USP34: variants seen among roughly 807,000 people sequenced by gnomAD.
USP34 encodes ubiquitin carboxyl-terminal hydrolase 34.
USP34 carries 70 observed loss-of-function variants against 460.3 expected under a neutral mutation model. That is an observed-to-expected ratio of 0.15 (90% CI 0.13 to 0.19). USP34 has a LOEUF of 0.19. Ranked by LOEUF, USP34 falls within the 10% of genes least tolerant of loss-of-function variation. USP34 has a pLI of 1.00. For synonymous variants in USP34, 1,647 were observed against 1,405.3 expected, an observed-to-expected ratio of 1.17 and a Z score of -3.85; for missense variants, 3,985 against 4,236.2, an observed-to-expected ratio of 0.94 and a Z score of 1.65.
chr2:61,204,317 A>G lies in USP34; in HGVS notation c.9323T>C (p.Ile3108Thr). 6.2e-7 allele frequency: 1 copy of G among 1,614,226 alleles called. No individual in the cohort carries two copies. Among genetic ancestry groups the G allele is most frequent in the East Asian group, 2.2e-5 (1 of 44,886 alleles). Residue 3108 changes from isoleucine (I) to threonine (T), a missense_variant, in exon 74 of 80, where the codon ATT (isoleucine) becomes ACT (threonine). By Grantham distance (89) the Ile-to-Thr change is moderately conservative. Transcript: ENST00000398571. ...ATTGAGTTCAGGGCGCGGAGGCCGA[A>G]TATTGCTTTTCCCTCCTATTAGCTT... is the stretch of plus-strand genomic sequence containing the variant. Reference protein sequence around the residue: ...NIKLIGGKSNIRPPRPELNMC... With the variant: ...NIKLIGGKSNTRPPRPELNMC...
chr2:61,335,829 A>T (rs982653940), intron 18 of USP34, among the ~76,000 whole-genome samples: 29 of 152,292 alleles, frequency 1.9e-4, no homozygotes, highest in Admixed American at 5.9e-4. Context: ...ACTGAATTGC[A>T]CTAGTTGTTT....
intron 1 of USP34, among the ~76,000 whole-genome samples, chr2:61,461,236 C>T (rs1259937978): frequency 6.6e-6 from 1 of 151,260 alleles, no homozygotes; most frequent in African/African-American, 2.4e-5. Context: ...ACTAAAAATG[C>T]AAAAGAATTA....
intron 53 of USP34, among the ~76,000 whole-genome samples, chr2:61,237,838 T>A (rs1255698373): frequency 6.6e-6 from 1 of 151,658 alleles, no homozygotes; most frequent in African/African-American, 2.4e-5. Flanking sequence ...CCAAAGTGCT[T>A]AGATTACAGG....
At chr2:61,463,326 A>G (rs1277052970) in intron 1 of USP34, among the ~76,000 whole-genome samples, 1 of 152,264 alleles carries the variant, frequency 6.6e-6, no homozygotes, top group Non-Finnish European at 1.5e-5. Flanking sequence ...TCTCTTAAAA[A>G]ATAATCAAAA....
chr2:61,358,405 A>C (rs1692171687), intron 10 of USP34, among the ~76,000 whole-genome samples: 1 of 152,108 alleles, frequency 6.6e-6, no homozygotes, highest in South Asian at 2.1e-4. Context: ...ATAATTGTAC[A>C]CGAGAAAATT....
chr2:61,395,467 T>C (rs779533654), intron 3 of USP34, among the ~76,000 whole-genome samples: 16 of 152,220 alleles, frequency 1.1e-4, no homozygotes, highest in Non-Finnish European at 2.1e-4. Context: ...TATTTTGCCT[T>C]ATTAAACATT....
At chr2:61,357,916 C>T (rs769788318) in intron 10 of USP34, among the ~76,000 whole-genome samples, 2 of 151,968 alleles carry the variant, frequency 1.3e-5, no homozygotes, top group African/African-American at 2.4e-5. Context: ...ATGGGCCGGG[C>T]GTGGTGGCTC....
chr2:61,337,340 T>C (rs553026339), intron 18 of USP34, among the ~76,000 whole-genome samples: 9 of 152,360 alleles, frequency 5.9e-5, no homozygotes, highest in African/African-American at 2.2e-4. Flanking sequence ...TTGTTCACTG[T>C]TCATTCAATG....
At chr2:61,245,662 A>T (rs1182560386) in intron 50 of USP34, among the ~76,000 whole-genome samples, 3 of 152,174 alleles carry the variant, frequency 2.0e-5, no homozygotes, top group Non-Finnish European at 1.5e-5. Flanking sequence ...TTATGGAAAC[A>T]TTCAAATGGA....
intron 5 of USP34, among the ~76,000 whole-genome samples, 155 bp from the exon 6 acceptor site, chr2:61,383,491 TC>T (rs1693039106): frequency 6.6e-6 from 1 of 152,000 alleles, no homozygotes; most frequent in Admixed American, 6.6e-5. Context: ...GATCCGAAGG[TC>T]AGGAGTTTGA....
intron 5 of USP34, among the ~76,000 whole-genome samples, chr2:61,386,010 A>AG (rs1381283334): frequency 1.3e-5 from 2 of 151,802 alleles, no homozygotes; most frequent in Non-Finnish European, 2.9e-5. Context: ...AAAAAAAAAA[A>AG]AAAAGAAATA....
chr2:61,405,623 A>ACTGTCTTCATATT, intron 3 of USP34, 85 bp downstream of exon 3: 1 of 1,220,384 alleles, frequency 8.2e-7, no homozygotes, highest in South Asian at 1.8e-5. Context: ...CCAGCAGAAA[A>ACTGTCTTCATATT]CTGTCTTCAT....
At chr2:61,231,522 A>G (rs1687904961) in intron 58 of USP34, among the ~76,000 whole-genome samples, 2 of 152,098 alleles carry the variant, frequency 1.3e-5, no homozygotes, top group Non-Finnish European at 1.5e-5. Context: ...AGACCAGCCT[A>G]GGCAACAGGG....
intron 48 of USP34, among the ~76,000 whole-genome samples, chr2:61,252,811 G>A (rs143542534): frequency 6.5e-4 from 99 of 152,324 alleles, no homozygotes; most frequent in East Asian, 7.7e-4. Context: ...CATGCATTGT[G>A]TCAATAAGTA....
At position 61,350,712 on chromosome 2, in the gene USP34, G is replaced by A. The variant is rs1691918949; in HGVS notation, c.1252-19C>T. The A allele has an allele frequency of 6.2e-7, 1 of 1,602,450 alleles. No homozygotes were observed. Among genetic ancestry groups the A allele is most frequent in the Non-Finnish European group, 8.5e-7 (1 of 1,176,482 alleles). On this transcript the variant is annotated intron_variant, in intron 10 of 79. Coordinates refer to ENST00000398571, the MANE Select transcript of USP34 (RefSeq NM_014709.4). ...GTTTCAACTAGAAAATCAAGTTAGA[G>A]AGAATGGTCAAAAATAATTGCCCAA... is the stretch of plus-strand genomic sequence containing the variant.
chr2:61,212,562 A>G (rs1244340018), intron 68 of USP34, among the ~76,000 whole-genome samples: 6 of 152,200 alleles, frequency 3.9e-5, no homozygotes, highest in Non-Finnish European at 7.3e-5. Flanking sequence ...GTAAAAACAA[A>G]TATTTTAGTA....
At chr2:61,257,472 G>T in intron 44 of USP34, 122 bp from the exon 45 acceptor site, 1 of 692,688 alleles carries the variant, frequency 1.4e-6, no homozygotes, top group Non-Finnish European at 2.1e-6. Flanking sequence ...AGTTTTAAAT[G>T]GTTGCTTCTA....
At chr2:61,420,655 C>A (rs1694328131) in intron 2 of USP34, 91 bp downstream of exon 2, 2 of 840,928 alleles carry the variant, frequency 2.4e-6, no homozygotes, top group East Asian at 5.4e-5. Flanking sequence ...GTATCTAACC[C>A]AACACCCTAA....
At position 61,265,992 on chromosome 2, in the gene USP34, T is replaced by A; in HGVS notation, c.5609A>T (p.His1870Leu). Reference sequence around the variant, plus strand: ...AAAAGAAGAATGCTTACACTGCATGTGTTGTGCCATAACCCAGTTGTGTAT... The same window carrying A: ...AAAAGAAGAATGCTTACACTGCATGAGTTGTGCCATAACCCAGTTGTGTAT... ...RLIHNWVMAQHMQSHAPYKWD... is the reference protein window; with the variant it reads ...RLIHNWVMAQLMQSHAPYKWD... The change falls in exon 42 of 80, where the codon CAC (histidine) becomes CTC (leucine). Residue 1870 changes from histidine to leucine, a missense_variant. Physicochemically the swap from His to Leu is moderately conservative, Grantham distance 99 (BLOSUM62 -3). Transcript: ENST00000398571. The A allele has an allele frequency of 6.2e-7, 1 of 1,603,296 alleles. No homozygotes were observed. The highest frequency in any genetic ancestry group is 8.5e-7 in the Non-Finnish European group (1 of 1,172,042).
Sources: gnomAD v4.1 joint callset for allele counts (sites outside exome capture counted in the v4.1 genomes callset) on GRCh38, gnomAD v4.1.1 for gene constraint, MANE v1.5 for transcripts, NCBI Gene and HGNC (gene_info 2026-07-23, HGNC 2026-07-21) for gene names.